Variants in XKR4 observed in about 807,000 individuals in gnomAD.
The protein encoded by XKR4 is XK-related protein 4.
A neutral mutation model predicts 53.9 loss-of-function variants in XKR4; 12 were observed. The ratio of observed to expected loss-of-function variants is 0.22; its 90% confidence interval spans 0.14 to 0.36. The LOEUF (loss-of-function observed/expected upper bound fraction) is 0.36, where lower values mean the gene tolerates loss of function less well. Among genes scored for constraint, XKR4 ranks in the 10% least tolerant of loss-of-function variants. The pLI is 1.00. For synonymous variants in XKR4, 354 were observed against 362.4 expected (o/e 0.98, Z 0.26); for missense variants, 799 against 859.5 (o/e 0.93, Z 0.88).
At chr8:55,140,080 A>G in intron 1 of XKR4, 1 of 339,114 alleles carries the variant, frequency 2.9e-6, no homozygotes, top group Non-Finnish European at 5.8e-6. Flanking sequence ...TTAAATTAGA[A>G]AAACAGTACC....
At chr8:55,353,669 T>C (rs549627062) in intron 1 of XKR4, among the ~76,000 whole-genome samples, 3 of 152,304 alleles carry the variant, frequency 2.0e-5, no homozygotes, top group South Asian at 2.1e-4. Context: ...TTGGTGATGA[T>C]CGAATGGAGA....
Position 55,450,175 on chromosome 8 carries a change from C to T in XKR4, c.1007-73106C>T, listed in dbSNP as rs574946895. ...GCGTGAGATGGCGTCAGGCTGGGCT[C>T]GGGGGCAGCTGTGGTAGCAGGGCCA... On this transcript the variant is annotated intron_variant, in intron 2 of 2. Coordinates refer to ENST00000327381, the MANE Select transcript of XKR4 (RefSeq NM_052898.2). 228 of 668,852 alleles carry T rather than the reference C, an allele frequency of 3.4e-4. No homozygotes were observed. In the African/African-American group the frequency reaches 3.5e-3, roughly 10 times the overall value. The allele number at this position is 668,852 out of a possible 1,614,324, so 41.4% of individuals were successfully genotyped here. A position where few individuals can be genotyped will look rare whatever the true frequency, so the allele number is the denominator to read the frequency against.
intron 1 of XKR4, among the ~76,000 whole-genome samples, chr8:55,286,953 G>A (rs1038606886): frequency 6.6e-6 from 1 of 152,094 alleles, no homozygotes; most frequent in Non-Finnish European, 1.5e-5. Flanking sequence ...CCTTTTTTAA[G>A]TATATTAATT....
chr8:55,165,978 T>A (rs749843307), intron 1 of XKR4, among the ~76,000 whole-genome samples: 3 of 152,180 alleles, frequency 2.0e-5, no homozygotes, highest in Non-Finnish European at 4.4e-5. Flanking sequence ...TGTGTGTGTA[T>A]CTTTGCTACT....
intron 2 of XKR4, among the ~76,000 whole-genome samples, chr8:55,391,944 A>G (rs910872508): frequency 6.6e-6 from 1 of 152,210 alleles, no homozygotes; most frequent in African/African-American, 2.4e-5. Flanking sequence ...ACTATCGATC[A>G]TTTTGTAACT....
At chr8:55,178,179 C>T (rs1000965487) in intron 1 of XKR4, among the ~76,000 whole-genome samples, 5 of 152,152 alleles carry the variant, frequency 3.3e-5, no homozygotes, top group Non-Finnish European at 5.9e-5. Context: ...AAAATTGCTA[C>T]AAAGCAGAGA....
chr8:55,342,044 A>C (rs1324034478), intron 1 of XKR4, among the ~76,000 whole-genome samples: 1 of 152,028 alleles, frequency 6.6e-6, no homozygotes, highest in Non-Finnish European at 1.5e-5. Flanking sequence ...TCTCTGCTTG[A>C]ATATTTAAAA....
In XKR4 at chr8:55,536,441, A is replaced by T. The variant is rs1415802102; in HGVS notation, c.*12214A>T. 4 of 151,988 alleles carry T rather than the reference A, an allele frequency of 2.6e-5. No individual in the cohort carries two copies. The highest frequency in any genetic ancestry group is 5.9e-5 in the Non-Finnish European group (4 of 67,818). The allele number at this position is 151,988 out of a possible 1,614,324, so 9.4% of individuals were successfully genotyped here. A position where few individuals can be genotyped will look rare whatever the true frequency, so the allele number is the denominator to read the frequency against. On this transcript the variant is annotated 3_prime_UTR_variant, in exon 3 of 3. Transcript: ENST00000327381. ...TTATTAAAAAATAAAGACTGTCCACATGACTGCAAATATCCTGATGAAAAG... is the reference window on the plus strand; with the variant it reads ...TTATTAAAAAATAAAGACTGTCCACTTGACTGCAAATATCCTGATGAAAAG...
In XKR4 at chr8:55,541,268, T is replaced by G. The variant is rs1807096826; in HGVS notation, c.*17041T>G. 6.6e-6 allele frequency: 1 copy of G among 152,222 alleles called. No individual in the cohort carries two copies. Among genetic ancestry groups the G allele is most frequent in the Admixed American group, 6.5e-5 (1 of 15,286 alleles). 9.4% of individuals were successfully genotyped at this position (152,222 alleles called of 1,614,324 possible). A position where few individuals can be genotyped will look rare whatever the true frequency, so the allele number is the denominator to read the frequency against. On this transcript the variant is annotated 3_prime_UTR_variant, in exon 3 of 3. Transcript: ENST00000327381. Reference sequence around the variant, plus strand: ...CCCAACCTCAGGAGGTTGTACTTAATTTTGTTTGTTTGTTTCTAAGGTTGG... The same window carrying G: ...CCCAACCTCAGGAGGTTGTACTTAAGTTTGTTTGTTTGTTTCTAAGGTTGG...
At chr8:55,139,158 G>C (rs780026311) in intron 1 of XKR4, among the ~76,000 whole-genome samples, 6 of 152,176 alleles carry the variant, frequency 3.9e-5, no homozygotes, top group Non-Finnish European at 8.8e-5. Flanking sequence ...CTATTAAAAA[G>C]GGGGCAGTAA....
intron 2 of XKR4, among the ~76,000 whole-genome samples, chr8:55,364,206 C>G (rs1272031436): frequency 6.6e-6 from 1 of 152,212 alleles, no homozygotes; most frequent in Non-Finnish European, 1.5e-5. Flanking sequence ...TCCGATCAGA[C>G]AGTTCTGACG....
intron 2 of XKR4, among the ~76,000 whole-genome samples, chr8:55,446,029 A>T (rs1257075859): frequency 6.6e-6 from 1 of 152,188 alleles, no homozygotes; most frequent in African/African-American, 2.4e-5. Flanking sequence ...TGATTGATGG[A>T]GTGAGCCAAT....
At chr8:55,262,814 G>A (rs539505972) in intron 1 of XKR4, among the ~76,000 whole-genome samples, 5 of 152,356 alleles carry the variant, frequency 3.3e-5, no homozygotes, top group South Asian at 4.1e-4. Flanking sequence ...CCATGCCAAC[G>A]AGGATGTGAG....
chr8:55,396,754 T>G (rs1172462263), intron 2 of XKR4, among the ~76,000 whole-genome samples: 2 of 152,224 alleles, frequency 1.3e-5, no homozygotes, highest in Non-Finnish European at 2.9e-5. Flanking sequence ...CATTCCAGCC[T>G]TGTTTGTTTT....
At chr8:55,359,623 A>G (rs1052531802) in intron 2 of XKR4, among the ~76,000 whole-genome samples, 1 of 152,126 alleles carries the variant, frequency 6.6e-6, no homozygotes, top group Non-Finnish European at 1.5e-5. Context: ...GAGGGTTGCA[A>G]GTCACCTTCT....
intron 1 of XKR4, among the ~76,000 whole-genome samples, chr8:55,226,425 T>A (rs1362620597): frequency 6.6e-6 from 1 of 152,208 alleles, no homozygotes; most frequent in Admixed American, 6.5e-5. Flanking sequence ...TCTTTCACAC[T>A]GCCTGTGACC....
intron 1 of XKR4, among the ~76,000 whole-genome samples, chr8:55,335,952 T>C (rs1803452879): frequency 6.6e-6 from 1 of 151,140 alleles, no homozygotes; most frequent in Admixed American, 6.6e-5. Flanking sequence ...GTAGCATAAT[T>C]GAGTTAATTT....
At chr8:55,373,648 A>T (rs1804108372) in intron 2 of XKR4, among the ~76,000 whole-genome samples, 1 of 152,230 alleles carries the variant, frequency 6.6e-6, no homozygotes, top group Non-Finnish European at 1.5e-5. Flanking sequence ...TTCATATTTT[A>T]AAAAATCTAA....
intron 2 of XKR4, among the ~76,000 whole-genome samples, chr8:55,360,255 G>A (rs1213444496): frequency 5.9e-5 from 9 of 152,180 alleles, no homozygotes; most frequent in Admixed American, 5.9e-4. Flanking sequence ...TCCAGCCAAC[G>A]AAGACCAGCC....
Sources: gnomAD v4.1 joint callset for allele counts (sites outside exome capture counted in the v4.1 genomes callset) on GRCh38, gnomAD v4.1.1 for gene constraint, MANE v1.5 for transcripts, NCBI Gene and HGNC (gene_info 2026-07-23, HGNC 2026-07-21) for gene names.